Variants in SLC4A4 observed in about 807,000 individuals in gnomAD.
SLC4A4 encodes solute carrier family 4 member 4, also known as electrogenic sodium bicarbonate cotransporter 1.
SLC4A4 carries 27 observed loss-of-function variants against 111.5 expected under a neutral mutation model. The observed-to-expected ratio is 0.24, with a 90% CI of 0.18 to 0.33. SLC4A4 has a LOEUF of 0.33. Among genes scored for constraint, SLC4A4 ranks in the 10% least tolerant of loss-of-function variants. SLC4A4 has a pLI of 1.00. For missense variants in SLC4A4, 909 were observed against 1,315.5 expected (o/e 0.69, Z 4.78); for synonymous variants, 443 against 463.4 (o/e 0.96, Z 0.57).
chr4:71,415,411 A>C (rs966635605), intron 7 of SLC4A4, among the ~76,000 whole-genome samples: 7 of 152,168 alleles, frequency 4.6e-5, no homozygotes, highest in Admixed American at 3.9e-4. Flanking sequence ...TTTATTGACT[A>C]TCTACTATAC....
At chr4:71,314,160 CAT>C (rs1384990044) in intron 3 of SLC4A4, among the ~76,000 whole-genome samples, 5 of 151,854 alleles carry the variant, frequency 3.3e-5, no homozygotes, top group African/African-American at 9.7e-5. Flanking sequence ...GGCCAAGAAA[CAT>C]ATAAAAAAAG....
intron 1 of SLC4A4, among the ~76,000 whole-genome samples, chr4:71,078,994 T>C (rs1741920379): frequency 6.6e-6 from 1 of 152,100 alleles, no homozygotes; most frequent in Admixed American, 6.6e-5. Flanking sequence ...AATTTTTGTA[T>C]TTTTAGTAGA....
chr4:71,302,021 C>T (rs1184752498), intron 3 of SLC4A4, among the ~76,000 whole-genome samples: 1 of 152,078 alleles, frequency 6.6e-6, no homozygotes, highest in Non-Finnish European at 1.5e-5. Context: ...CAAAAGATGG[C>T]ATAGCTTAGT....
intron 3 of SLC4A4, among the ~76,000 whole-genome samples, chr4:71,296,905 C>T (rs1257763232): frequency 1.3e-5 from 2 of 152,108 alleles, no homozygotes; most frequent in African/African-American, 4.8e-5. Flanking sequence ...GATATTAGTT[C>T]GTTCTCTCAT....
In SLC4A4 at chr4:71,337,130, A is replaced by T. The variant is rs1728493362; in HGVS notation, c.254-2240A>T. ...CATTATGCACACATGTTAGTTACGT[A>T]GTGATTTATGGACTGAAGAGCTAGC... On this transcript the variant is annotated intron_variant, in intron 3 of 25. Transcript: ENST00000264485. 2.0e-5 allele frequency among the ~76,000 whole-genome samples: 3 copies of T among 152,200 alleles called. No homozygotes were observed. In the South Asian group the frequency reaches 6.2e-4, roughly 31 times the overall value.
intron 2 of SLC4A4, among the ~76,000 whole-genome samples, chr4:71,116,415 C>CA (rs1314235341): frequency 6.6e-6 from 1 of 152,134 alleles, no homozygotes; most frequent in East Asian, 1.9e-4. Context: ...ACCTTTAATA[C>CA]AAAACGAGTC....
At chr4:71,123,775 G>C (rs1322524781) in intron 2 of SLC4A4, among the ~76,000 whole-genome samples, 2 of 152,004 alleles carry the variant, frequency 1.3e-5, no homozygotes, top group Non-Finnish European at 2.9e-5. Flanking sequence ...TTATTTTTTT[G>C]CGCCAAATCA....
intron 6 of SLC4A4, among the ~76,000 whole-genome samples, chr4:71,376,075 GTA>G (rs564704876): frequency 2.5e-5 from 3 of 120,170 alleles, no homozygotes; most frequent in Non-Finnish European, 1.7e-5. Flanking sequence ...ACATATACAC[GTA>G]TATATATACA....
At chr4:71,279,634 A>G (rs1160358169) in intron 3 of SLC4A4, among the ~76,000 whole-genome samples, 1 of 152,202 alleles carries the variant, frequency 6.6e-6, no homozygotes, top group African/African-American at 2.4e-5. Context: ...CTTTGGATGT[A>G]TACCCAGAAA....
intron 6 of SLC4A4, among the ~76,000 whole-genome samples, chr4:71,371,245 CTTTTTTTTT>C (rs71213506): frequency 5.0e-5 from 6 of 120,080 alleles, no homozygotes; most frequent in Non-Finnish European, 4.9e-5. Flanking sequence ...CCAGGAATGC[CTTTTTTTTT>C]TTTTTTTTTG....
intron 16 of SLC4A4, among the ~76,000 whole-genome samples, chr4:71,518,532 C>T (rs2083261918): frequency 6.6e-6 from 1 of 152,128 alleles, no homozygotes; most frequent in South Asian, 2.1e-4. Context: ...TGGGGTGGGC[C>T]TGGAGCCTGA....
chr4:71,348,478 A>T (rs1729526371), intron 4 of SLC4A4, among the ~76,000 whole-genome samples: 1 of 152,182 alleles, frequency 6.6e-6, no homozygotes, highest in East Asian at 1.9e-4. Context: ...TGAGGTAAAC[A>T]GTAAAAATCT....
chr4:71,273,748 G>C (rs549208097), intron 3 of SLC4A4, among the ~76,000 whole-genome samples: 11 of 151,008 alleles, frequency 7.3e-5, no homozygotes, highest in Admixed American at 3.3e-4. Context: ...TAGTTGAGAA[G>C]TAGCTCTGAG....
At chr4:71,456,353 A>G (rs1355234706) in intron 12 of SLC4A4, among the ~76,000 whole-genome samples, 1 of 152,218 alleles carries the variant, frequency 6.6e-6, no homozygotes, top group East Asian at 1.9e-4. Flanking sequence ...TAGAAAATTA[A>G]TGACTATGAA....
intron 2 of SLC4A4, among the ~76,000 whole-genome samples, chr4:71,135,097 G>A (rs540864134): frequency 1.3e-5 from 2 of 152,140 alleles, no homozygotes; most frequent in African/African-American, 2.4e-5. Context: ...GTTCCATGGT[G>A]TGTATGTATG....
At chr4:71,068,426 A>G (rs1451835711) in intron 1 of SLC4A4, among the ~76,000 whole-genome samples, 1 of 152,102 alleles carries the variant, frequency 6.6e-6, no homozygotes, top group Non-Finnish European at 1.5e-5. Context: ...ACCCAGATCA[A>G]AATACAGACC....
rs150207773 is a variant in SLC4A4 at position 71,308,491 on chromosome 4, G to A, written c.254-30879G>A. 1.2e-3 allele frequency among the ~76,000 whole-genome samples: 181 copies of A among 152,248 alleles called. 2 individuals are homozygous for A. The highest frequency in any genetic ancestry group is 4.1e-3 in the African/African-American group (172 of 41,556). On this transcript the variant is annotated intron_variant, in intron 3 of 25. Coordinates refer to ENST00000264485, the MANE Select transcript of SLC4A4 (RefSeq NM_001098484.3). ...GCTCCCAGCGAGACCAATGCAGAAG[G>A]CGGGTGATTGCTGCATTTCCAACTG... is the stretch of plus-strand genomic sequence containing the variant.
intron 11 of SLC4A4, among the ~76,000 whole-genome samples, chr4:71,452,729 A>G (rs1725880469): frequency 6.6e-6 from 1 of 152,148 alleles, no homozygotes; most frequent in Non-Finnish European, 1.5e-5. Flanking sequence ...GACATTTGTC[A>G]TGGGACTCAG....
At chr4:71,553,937 C>G (rs964853583) in intron 20 of SLC4A4, among the ~76,000 whole-genome samples, 1 of 151,588 alleles carries the variant, frequency 6.6e-6, no homozygotes, top group African/African-American at 2.4e-5. Context: ...AATTGTTAGT[C>G]TTTTTTTGAA....
Sources: gnomAD v4.1 joint callset for allele counts (sites outside exome capture counted in the v4.1 genomes callset) on GRCh38, gnomAD v4.1.1 for gene constraint, MANE v1.5 for transcripts, NCBI Gene and HGNC (gene_info 2026-07-23, HGNC 2026-07-21) for gene names.